Variants in CACNA2D3 observed in about 807,000 individuals in gnomAD.
CACNA2D3 encodes the protein voltage-dependent calcium channel subunit alpha-2/delta-3.
CACNA2D3 carries 60 observed loss-of-function variants against 160.6 expected under a neutral mutation model. The observed-to-expected ratio is 0.37, with a 90% CI of 0.30 to 0.46. The LOEUF (loss-of-function observed/expected upper bound fraction) is 0.46. Among genes scored for constraint, CACNA2D3 ranks in the 20% least tolerant of loss-of-function variants. The pLI is 1.00. For synonymous variants in CACNA2D3, 558 were observed against 492.9 expected, an observed-to-expected ratio of 1.13 and a Z score of -1.75; for missense variants, 1,205 against 1,365.0, an observed-to-expected ratio of 0.88 and a Z score of 1.85.
chr3:54,169,723 A>AAGTGTGCGTGTGTGCG (rs1184918564), intron 2 of CACNA2D3, among the ~76,000 whole-genome samples: 288 of 151,230 alleles, frequency 1.9e-3, no homozygotes, highest in African/African-American at 6.4e-3. Context: ...GCATGTGTGC[A>AAGTGTGCGTGTGTGCG]AGTGTGCGTG....
At chr3:54,837,028 A>G in intron 14 of CACNA2D3, 131 bp from the exon 15 acceptor site, 4 of 751,114 alleles carry the variant, frequency 5.3e-6, no homozygotes. Flanking sequence ...GCGCTCCACT[A>G]AAGGCTTGAG....
chr3:54,780,205 C>T (rs1021061003), intron 13 of CACNA2D3, among the ~76,000 whole-genome samples: 2 of 152,198 alleles, frequency 1.3e-5, no homozygotes, highest in African/African-American at 2.4e-5. Flanking sequence ...TCATATTTGT[C>T]TTTCCTTTTG....
At chr3:54,610,510 G>A (rs1034763933) in intron 9 of CACNA2D3, among the ~76,000 whole-genome samples, 1 of 151,920 alleles carries the variant, frequency 6.6e-6, no homozygotes, top group Non-Finnish European at 1.5e-5. Flanking sequence ...TGGGTGATGG[G>A]TGTTAATGCA....
intron 9 of CACNA2D3, among the ~76,000 whole-genome samples, chr3:54,617,599 G>C (rs568946027): frequency 1.4e-3 from 216 of 152,056 alleles, no homozygotes; most frequent in African/African-American, 4.9e-3. Context: ...AAACAAACAG[G>C]GCACTCAATT....
chr3:54,653,057 A>G (rs1443562573), intron 11 of CACNA2D3, among the ~76,000 whole-genome samples: 4 of 152,152 alleles, frequency 2.6e-5, no homozygotes, highest in African/African-American at 7.2e-5. Flanking sequence ...TGCTGAGATT[A>G]CAGGCATGAG....
chr3:54,697,382 T>C (rs1700684096), intron 11 of CACNA2D3, among the ~76,000 whole-genome samples: 1 of 152,148 alleles, frequency 6.6e-6, no homozygotes, highest in Admixed American at 6.5e-5. Flanking sequence ...GCACCCAAGG[T>C]GACTCTTATC....
rs191832099 is a variant in CACNA2D3, at chr3:54,600,151, A to C, written c.963+18274A>C. On this transcript the variant is annotated intron_variant, in intron 9 of 37. Coordinates refer to ENST00000474759, the MANE Select transcript of CACNA2D3 (RefSeq NM_018398.3). The stretch of plus-strand genomic sequence containing the variant: ...TTCAAGCAGTGTTCGACGCACCTTC[A>C]TGGGGTTGGGGGAGATGAAATGGCT... 3.2e-3 allele frequency among the ~76,000 whole-genome samples: 492 copies of C among 152,250 alleles called. 1 individual carries two copies. The highest frequency in any genetic ancestry group is 0.011 in the African/African-American group (470 of 41,560).
intron 3 of CACNA2D3, among the ~76,000 whole-genome samples, chr3:54,340,467 T>C (rs1704492088): frequency 6.6e-6 from 1 of 152,192 alleles, no homozygotes; most frequent in South Asian, 2.1e-4. Context: ...GTCAGGCTGA[T>C]ATAAAAGCTT....
chr3:54,955,820 A>G (rs1404116934), intron 27 of CACNA2D3, among the ~76,000 whole-genome samples: 1 of 152,060 alleles, frequency 6.6e-6, no homozygotes, highest in Non-Finnish European at 1.5e-5. Context: ...CTCACAGCCC[A>G]CCCTCAGGAG....
intron 27 of CACNA2D3, among the ~76,000 whole-genome samples, chr3:54,904,342 G>C (rs1447138648): frequency 6.6e-6 from 1 of 152,110 alleles, no homozygotes; most frequent in African/African-American, 2.4e-5. Context: ...AAGAAATACA[G>C]GGAGGCAGAA....
intron 9 of CACNA2D3, among the ~76,000 whole-genome samples, chr3:54,600,109 G>T (rs772289621): frequency 6.6e-6 from 1 of 152,192 alleles, no homozygotes; most frequent in African/African-American, 2.4e-5. Flanking sequence ...TTGCCAGAAC[G>T]TTGCCAGTTC....
chr3:54,506,009 A>G (rs943193905), intron 5 of CACNA2D3, among the ~76,000 whole-genome samples: 3 of 152,100 alleles, frequency 2.0e-5, no homozygotes, highest in Non-Finnish European at 2.9e-5. Flanking sequence ...TGCCCAGTCC[A>G]TTGTCACCCA....
intron 6 of CACNA2D3, among the ~76,000 whole-genome samples, chr3:54,569,487 T>C (rs2106718788): frequency 6.6e-6 from 1 of 152,330 alleles, no homozygotes; most frequent in East Asian, 1.9e-4. Context: ...TGACTTCGGC[T>C]ACCTTTATCC....
intron 35 of CACNA2D3, among the ~76,000 whole-genome samples, chr3:55,029,645 G>C (rs539729417): frequency 2.0e-5 from 3 of 152,084 alleles, no homozygotes; most frequent in Non-Finnish European, 4.4e-5. Flanking sequence ...GGGTCTACTT[G>C]AGCTCTTGGT....
rs138648159 is a variant in CACNA2D3, at chr3:54,811,304, A to C, written c.1381-5549A>C. ...CATAGTCATCTTCTCAGTAAATGGC[A>C]GCTCTGTTTTTGCATTTATCAAGGA... is the stretch of plus-strand genomic sequence containing the variant. On this transcript the variant is annotated intron_variant, in intron 13 of 37. Transcript: ENST00000474759. Among the ~76,000 whole-genome samples, 385 of 151,994 alleles carry C rather than the reference A, an allele frequency of 2.5e-3. 1 individual carries two copies. The highest frequency in any genetic ancestry group is 6.8e-3 in the Middle Eastern group (2 of 294).
intron 4 of CACNA2D3, among the ~76,000 whole-genome samples, chr3:54,465,144 A>T (rs1222499618): frequency 6.6e-6 from 1 of 150,482 alleles, no homozygotes; most frequent in African/African-American, 2.5e-5. Context: ...GTCGTTAACA[A>T]ATTCAGTTGC....
intron 18 of CACNA2D3, among the ~76,000 whole-genome samples, chr3:54,875,997 G>A (rs1486567913): frequency 1.3e-5 from 2 of 152,184 alleles, no homozygotes; most frequent in East Asian, 3.8e-4. Flanking sequence ...CTGACTATGT[G>A]TTAAGTTGAA....
chr3:54,394,572 TG>T (rs1699341501), intron 4 of CACNA2D3, among the ~76,000 whole-genome samples: 1 of 122,806 alleles, frequency 8.1e-6, no homozygotes, highest in Admixed American at 8.8e-5. Context: ...ATGCGGTGTT[TG>T]GTTTTTTGTT....
intron 25 of CACNA2D3, among the ~76,000 whole-genome samples, chr3:54,893,285 CT>C (rs34139668): frequency 0.14 from 19,915 of 146,384 alleles, 1,332 homozygotes; most frequent in Middle Eastern, 0.18. Context: ...CAAAAAAACT[CT>C]TTTTTTTTTT....
Sources: gnomAD v4.1 joint callset for allele counts (sites outside exome capture counted in the v4.1 genomes callset) on GRCh38, gnomAD v4.1.1 for gene constraint, MANE v1.5 for transcripts, NCBI Gene and HGNC (gene_info 2026-07-23, HGNC 2026-07-21) for gene names.